The following KCTD8 variants were observed in gnomAD, a reference collection of about 807,000 sequenced individuals.
The protein encoded by KCTD8 is BTB/POZ domain-containing protein KCTD8.
In KCTD8, 27 loss-of-function variants were observed where a neutral mutation model predicts 31.5. That is an observed-to-expected ratio of 0.86 (90% CI 0.63 to 1.18). The LOEUF (loss-of-function observed/expected upper bound fraction) is 1.18. Ranked by LOEUF, KCTD8 falls within the 50% of genes most tolerant of loss-of-function variation. The pLI is 0.00. For missense variants in KCTD8, 658 were observed against 647.7 expected, an observed-to-expected ratio of 1.02 and a Z score of -0.17; for synonymous variants, 290 against 280.0, an observed-to-expected ratio of 1.04 and a Z score of -0.36.
chr4:44,197,412 A>G (rs1309696599), intron 1 of KCTD8, among the ~76,000 whole-genome samples: 2 of 152,204 alleles, frequency 1.3e-5, no homozygotes, highest in East Asian at 1.9e-4. Flanking sequence ...AAGGCCCAGG[A>G]GCAGATCTGG....
intron 1 of KCTD8, among the ~76,000 whole-genome samples, chr4:44,328,739 T>C (rs771840637): frequency 6.6e-6 from 1 of 151,958 alleles, no homozygotes; most frequent in Admixed American, 6.6e-5. Flanking sequence ...GGAAAATAGT[T>C]CCAGCTTTTA....
chr4:44,267,028 T>C (rs545905646), intron 1 of KCTD8, among the ~76,000 whole-genome samples: 1 of 152,086 alleles, frequency 6.6e-6, no homozygotes, highest in Non-Finnish European at 1.5e-5. Context: ...TGAACTCAGC[T>C]CTGCACCAAG....
chr4:44,279,031 G>C lies in KCTD8; in HGVS notation c.962-103781C>G, dbSNP rs183875595. Among the ~76,000 whole-genome samples, 383 of 152,116 alleles carry C rather than the reference G, an allele frequency of 2.5e-3. 1 individual carries two copies. Among genetic ancestry groups the C allele is most frequent in the African/African-American group, 8.5e-3 (352 of 41,524 alleles). On this transcript the variant is annotated intron_variant, in intron 1 of 1. Transcript: ENST00000360029. ...CAAGCTTTGGAATCAAATAATTCTG[G>C]ATCTTAGTTCCCATTACATGTCAGC...
At chr4:44,374,019 A>G (rs1719858043) in intron 1 of KCTD8, among the ~76,000 whole-genome samples, 1 of 152,308 alleles carries the variant, frequency 6.6e-6, no homozygotes, top group South Asian at 2.1e-4. Context: ...AGGCGACTAC[A>G]TAAGCAAGAT....
chr4:44,380,774 T>C (rs1250520265), intron 1 of KCTD8, among the ~76,000 whole-genome samples: 3 of 151,970 alleles, frequency 2.0e-5, no homozygotes, highest in Non-Finnish European at 4.4e-5. Flanking sequence ...TTATGTTTTA[T>C]GTCTAGATTG....
At chr4:44,416,158 C>T (rs1211103938) in intron 1 of KCTD8, among the ~76,000 whole-genome samples, 1 of 152,198 alleles carries the variant, frequency 6.6e-6, no homozygotes, top group Non-Finnish European at 1.5e-5. Context: ...TGATGCCCTG[C>T]TAGATTTCAG....
At chr4:44,192,051 C>G (rs548778291) in intron 1 of KCTD8, among the ~76,000 whole-genome samples, 1 of 152,306 alleles carries the variant, frequency 6.6e-6, no homozygotes, top group Non-Finnish European at 1.5e-5. Flanking sequence ...AAATTCCCCT[C>G]TTTGTACTCT....
chr4:44,444,632 A>C (rs1484927322), intron 1 of KCTD8, among the ~76,000 whole-genome samples: 2 of 152,224 alleles, frequency 1.3e-5, no homozygotes, highest in Non-Finnish European at 2.9e-5. Context: ...TAAAACTGAT[A>C]CTGTGATAAC....
chr4:44,446,038 T>C (rs1721930778), intron 1 of KCTD8, among the ~76,000 whole-genome samples: 1 of 152,236 alleles, frequency 6.6e-6, no homozygotes, highest in African/African-American at 2.4e-5. Context: ...TAGCTTCCAA[T>C]TCAGTGGACA....
At chr4:44,402,351 A>G (rs1342961947) in intron 1 of KCTD8, among the ~76,000 whole-genome samples, 1 of 152,202 alleles carries the variant, frequency 6.6e-6, no homozygotes, top group African/African-American at 2.4e-5. Context: ...CCAAGAAGCT[A>G]CTTCTTCTTA....
chr4:44,332,468 A>G (rs1195845314), intron 1 of KCTD8, among the ~76,000 whole-genome samples: 1 of 152,028 alleles, frequency 6.6e-6, no homozygotes, highest in Non-Finnish European at 1.5e-5. Flanking sequence ...CACAAAAAGG[A>G]ATGAAATATT....
At chr4:44,388,216 G>T (rs1453857713) in intron 1 of KCTD8, among the ~76,000 whole-genome samples, 1 of 151,946 alleles carries the variant, frequency 6.6e-6, no homozygotes, top group Non-Finnish European at 1.5e-5. Flanking sequence ...ATAGATGCTA[G>T]TGAGACTGTG....
intron 1 of KCTD8, among the ~76,000 whole-genome samples, chr4:44,211,679 T>C (rs529299025): frequency 6.6e-6 from 1 of 152,250 alleles, no homozygotes; most frequent in South Asian, 2.1e-4. Context: ...GTAGAGTATA[T>C]CATGAGTAGA....
At chr4:44,191,735 C>T (rs1421680961) in intron 1 of KCTD8, among the ~76,000 whole-genome samples, 1 of 152,140 alleles carries the variant, frequency 6.6e-6, no homozygotes, top group Non-Finnish European at 1.5e-5. Flanking sequence ...CTCTTGAACC[C>T]TGTTTTCTGT....
chr4:44,316,024 T>A (rs1263347559), intron 1 of KCTD8, among the ~76,000 whole-genome samples: 1 of 152,136 alleles, frequency 6.6e-6, no homozygotes, highest in South Asian at 2.1e-4. Flanking sequence ...AAACTAGTGT[T>A]TCTCTACTCT....
At chr4:44,262,895 A>G (rs1716223444) in intron 1 of KCTD8, among the ~76,000 whole-genome samples, 1 of 152,186 alleles carries the variant, frequency 6.6e-6, no homozygotes, top group African/African-American at 2.4e-5. Context: ...TCAAATTTCA[A>G]AATGAGACTT....
At chr4:44,232,608 T>C (rs555379024) in intron 1 of KCTD8, among the ~76,000 whole-genome samples, 1 of 152,288 alleles carries the variant, frequency 6.6e-6, no homozygotes, top group South Asian at 2.1e-4. Flanking sequence ...TGTACTTCCA[T>C]AATAGAAGAA....
chr4:44,317,430 G>C (rs573355469), intron 1 of KCTD8, among the ~76,000 whole-genome samples: 1 of 141,096 alleles, frequency 7.1e-6, no homozygotes, highest in Non-Finnish European at 1.5e-5. Flanking sequence ...TAGTAGAGAC[G>C]GGGTTTCACC....
intron 1 of KCTD8, among the ~76,000 whole-genome samples, chr4:44,352,710 CATCT>C (rs1560433704): frequency 1.3e-5 from 2 of 151,356 alleles, no homozygotes; most frequent in African/African-American, 2.4e-5. Context: ...TCATTGTATC[CATCT>C]ATCTATGTAT....
Sources: gnomAD v4.1 joint callset for allele counts (sites outside exome capture counted in the v4.1 genomes callset) on GRCh38, gnomAD v4.1.1 for gene constraint, MANE v1.5 for transcripts, NCBI Gene and HGNC (gene_info 2026-07-23, HGNC 2026-07-21) for gene names.